ZNF644: variants seen among roughly 807,000 people sequenced by gnomAD.
The protein encoded by ZNF644 is zinc finger motif enhancer binding protein 2.
A neutral mutation model predicts 108.0 loss-of-function variants in ZNF644; 20 were observed. The observed-to-expected ratio is 0.19, with a 90% CI of 0.13 to 0.27. The LOEUF (loss-of-function observed/expected upper bound fraction) is 0.27, where lower values mean the gene tolerates loss of function less well. Ranked by LOEUF, ZNF644 falls within the 10% of genes least tolerant of loss-of-function variation. ZNF644 has a pLI of 1.00. For synonymous variants in ZNF644, 542 were observed against 539.1 expected (o/e 1.01, Z -0.08); for missense variants, 1,338 against 1,548.9 (o/e 0.86, Z 2.29).
intron 1 of ZNF644, among the ~76,000 whole-genome samples, chr1:91,008,813 C>T (rs1023297814): frequency 1.3e-5 from 2 of 152,160 alleles, no homozygotes; most frequent in African/African-American, 2.4e-5. Flanking sequence ...TGGTAATAAT[C>T]GCACAGATGA....
chr1:91,021,634 G>GTC (rs1660924380), intron 1 of ZNF644: 4 of 84,572 alleles, frequency 4.7e-5, no homozygotes, highest in Non-Finnish European at 9.2e-5. Context: ...GCAGCGGAAA[G>GTC]CCCCCCCCCC....
intron 1 of ZNF644, among the ~76,000 whole-genome samples, chr1:91,015,744 C>A (rs1660378374): frequency 6.6e-6 from 1 of 152,066 alleles, no homozygotes; most frequent in Non-Finnish European, 1.5e-5. Context: ...CTATAACAAC[C>A]TTGTCTTTAT....
At chr1:91,000,895 T>C (rs934103105) in intron 1 of ZNF644, among the ~76,000 whole-genome samples, 3 of 152,120 alleles carry the variant, frequency 2.0e-5, no homozygotes, top group Non-Finnish European at 2.9e-5. Flanking sequence ...CACCAGAGAA[T>C]ACTATAAACA....
intron 2 of ZNF644, among the ~76,000 whole-genome samples, chr1:90,956,698 TTAGAA>T (rs1653785770): frequency 6.6e-6 from 1 of 151,984 alleles, no homozygotes; most frequent in Admixed American, 6.6e-5. Flanking sequence ...TAATCAATCT[TTAGAA>T]TAAAGATAAG....
In ZNF644 at chr1:90,950,339, G is replaced by C. The variant is rs572259762; in HGVS notation, c.45-9030C>G. On this transcript the variant is annotated intron_variant, in intron 2 of 5. Transcript: ENST00000337393. ...GAAAAGAAAACAAAAGAAAAGAAAA[G>C]AAAAGAAAAGAAAAGAAATAGTGCT... Among the ~76,000 whole-genome samples the C allele has an allele frequency of 9.3e-4, 136 of 146,374 alleles. 1 individual carries two copies. The highest frequency in any genetic ancestry group is 1.4e-3 in the East Asian group (7 of 4,932).
chr1:90,943,554 CAACA>C (rs1201481955), intron 2 of ZNF644, among the ~76,000 whole-genome samples: 1 of 152,120 alleles, frequency 6.6e-6, no homozygotes, highest in Non-Finnish European at 1.5e-5. Flanking sequence ...TTATTTAATA[CAACA>C]AATACCTATT....
intron 2 of ZNF644, among the ~76,000 whole-genome samples, chr1:90,951,287 C>A (rs1002011800): frequency 3.9e-5 from 6 of 152,098 alleles, no homozygotes; most frequent in African/African-American, 1.2e-4. Context: ...CCCTGTTTTT[C>A]TCAGATAAAA....
At chr1:90,991,973 G>A (rs1390816714) in intron 1 of ZNF644, among the ~76,000 whole-genome samples, 1 of 151,956 alleles carries the variant, frequency 6.6e-6, no homozygotes, top group Non-Finnish European at 1.5e-5. Context: ...GAATATGTAG[G>A]ACTGAACTAA....
intron 2 of ZNF644, among the ~76,000 whole-genome samples, chr1:90,948,250 T>C (rs1249471350): frequency 1.3e-5 from 2 of 152,224 alleles, no homozygotes; most frequent in Non-Finnish European, 2.9e-5. Flanking sequence ...TGCTAGGAAT[T>C]TGTTGAAGAA....
At chr1:91,012,111 G>T (rs1034564358) in intron 1 of ZNF644, among the ~76,000 whole-genome samples, 2 of 151,598 alleles carry the variant, frequency 1.3e-5, no homozygotes, top group Admixed American at 6.6e-5. Context: ...GTCACTGGGG[G>T]GAAAAAAGGG....
rs1336577644 is a variant in ZNF644, at chr1:90,938,678, T to C, written c.2676A>G (p.Leu892=). ...INQEHVNLFP[L]FKSKVEGQEP... is the part of the protein sequence containing the mutation. ...CCTGACCTTCCACTTTGCTCTTAAA[T>C]AAAGGGAATAAATTTACATGCTCTT... The change falls in exon 3 of 6, where the codon TTA becomes TTG. Residue 892 remains leucine (L), a synonymous_variant. Coordinates refer to ENST00000337393, the MANE Select transcript of ZNF644 (RefSeq NM_201269.3). This position sits in a 1 kb window ranked among gnomAD's most constrained non-coding sequence, Gnocchi z 4.2. The C allele has an allele frequency of 1.2e-6, 2 of 1,612,102 alleles. No homozygotes were observed. The highest frequency in any genetic ancestry group is 1.7e-5 in the Admixed American group (1 of 59,660).
chr1:90,969,120 A>G (rs866660097), intron 2 of ZNF644, among the ~76,000 whole-genome samples: 2 of 152,206 alleles, frequency 1.3e-5, no homozygotes, highest in African/African-American at 2.4e-5. Flanking sequence ...CCCAAAATTC[A>G]TATGTTGAAG....
At chr1:91,014,278 T>C (rs1570589523) in intron 1 of ZNF644, among the ~76,000 whole-genome samples, 1 of 152,174 alleles carries the variant, frequency 6.6e-6, no homozygotes. Context: ...TCTTAACATA[T>C]AATGTCATCT....
intron 2 of ZNF644, among the ~76,000 whole-genome samples, chr1:90,956,145 C>T (rs1225133554): frequency 1.3e-5 from 2 of 152,142 alleles, no homozygotes; most frequent in Non-Finnish European, 2.9e-5. Flanking sequence ...CAATTCAGTT[C>T]ACTATCTTGG....
intron 2 of ZNF644, among the ~76,000 whole-genome samples, chr1:90,951,592 C>A (rs1653173458): frequency 6.6e-6 from 1 of 152,122 alleles, no homozygotes; most frequent in South Asian, 2.1e-4. Flanking sequence ...TAATGCCAAC[C>A]TGGACCACTC....
chr1:90,923,047 A>C (rs942504120), intron 4 of ZNF644, among the ~76,000 whole-genome samples: 1 of 152,158 alleles, frequency 6.6e-6, no homozygotes, highest in African/African-American at 2.4e-5. Flanking sequence ...TGGGGTAGAG[A>C]AAGCCAATTG....
chr1:90,983,707 A>C (rs1330537546), intron 1 of ZNF644, among the ~76,000 whole-genome samples: 1 of 152,066 alleles, frequency 6.6e-6, no homozygotes, highest in Non-Finnish European at 1.5e-5. Flanking sequence ...TGGGCAGATC[A>C]CCTGAGGTCA....
At chr1:91,017,835 G>A (rs1338160122) in intron 1 of ZNF644, among the ~76,000 whole-genome samples, 6 of 152,078 alleles carry the variant, frequency 3.9e-5, no homozygotes, top group African/African-American at 1.4e-4. Context: ...GGTGGCCGGC[G>A]CCCGTAATCC....
intron 2 of ZNF644, among the ~76,000 whole-genome samples, chr1:90,960,634 C>T (rs968760051): frequency 2.6e-5 from 4 of 152,118 alleles, no homozygotes; most frequent in Non-Finnish European, 4.4e-5. Context: ...CAATCTAGGA[C>T]ACATTTCCAC....
Sources: gnomAD v4.1 joint callset for allele counts (sites outside exome capture counted in the v4.1 genomes callset) on GRCh38, gnomAD v4.1.1 for gene constraint, Gnocchi (gnomAD v3.1) non-coding constraint, MANE v1.5 for transcripts, NCBI Gene and HGNC (gene_info 2026-07-23, HGNC 2026-07-21) for gene names.